Variants in XKR9 observed in about 807,000 individuals in gnomAD.
XKR9 encodes XK related 9.
A neutral mutation model predicts 32.0 loss-of-function variants in XKR9; 32 were observed. The observed-to-expected ratio is 1.00, with a 90% confidence interval of 0.76 to 1.34. XKR9 has a LOEUF of 1.34. XKR9 is among the 40% of genes most tolerant of loss of function. The probability of loss-of-function intolerance (pLI) is 0.00; values close to 1 mark genes in which losing one functional copy is unlikely to be tolerated. For synonymous variants in XKR9, 168 were observed against 143.4 expected (o/e 1.17, Z -1.22); for missense variants, 546 against 429.7 (o/e 1.27, Z -2.39).
At chr8:70,873,686 A>G in the XKR9 span, among the ~76,000 whole-genome samples, 1 of 152,202 alleles carries the variant, frequency 6.6e-6, no homozygotes. Flanking sequence ...TGGTTTCTTG[A>G]GATGAATCTA....
chr8:70,796,385 C>T, the XKR9 span, among the ~76,000 whole-genome samples: 5 of 151,870 alleles, frequency 3.3e-5, no homozygotes, highest in Non-Finnish European at 7.4e-5. Flanking sequence ...ATTGTTTTTC[C>T]TTATAATCTT....
rs565651701 is a variant in XKR9 at position 70,761,027 on chromosome 8, C to T, written n.353-28312C>T. Among the ~76,000 whole-genome samples, 22 of 152,262 alleles carry T rather than the reference C, an allele frequency of 1.4e-4. No homozygotes were observed. The South Asian group carries it at 2.9e-3, about 20-fold the overall frequency. On this transcript the variant is annotated intron_variant and non_coding_transcript_variant, in intron 2 of 3. Coordinates refer to the XKR9 transcript ENST00000520273. ...TGGCCTCCAGCTCTATCCATGTTTC[C>T]GCAAAAGACATGATCTTATTCTTTT...
the XKR9 span, among the ~76,000 whole-genome samples, chr8:70,965,283 C>G: frequency 6.6e-6 from 1 of 152,128 alleles, no homozygotes; most frequent in Non-Finnish European, 1.5e-5. Flanking sequence ...AACCTTGCAT[C>G]CTGGGGATGA....
the XKR9 span, among the ~76,000 whole-genome samples, chr8:70,937,432 T>A: frequency 1.3e-5 from 2 of 151,968 alleles, no homozygotes; most frequent in Non-Finnish European, 2.9e-5. Flanking sequence ...AGCAGCAATC[T>A]GTAGTTTAAC....
chr8:70,795,995 G>A, the XKR9 span, among the ~76,000 whole-genome samples: 339 of 151,666 alleles, frequency 2.2e-3, 1 homozygote, highest in African/African-American at 7.8e-3. Flanking sequence ...CTTTCTTTGT[G>A]GAAAGTTTTT....
At chr8:70,947,765 TA>T in the XKR9 span, among the ~76,000 whole-genome samples, 1 of 152,238 alleles carries the variant, frequency 6.6e-6, no homozygotes, top group Non-Finnish European at 1.5e-5. Flanking sequence ...TTTGGATTTT[TA>T]AAATACGATT....
intron 2 of XKR9, among the ~76,000 whole-genome samples, chr8:70,747,014 T>C (rs1807067854): frequency 6.6e-6 from 1 of 152,176 alleles, no homozygotes; most frequent in African/African-American, 2.4e-5. Flanking sequence ...TGAGAACATG[T>C]GGTTTTCTGT....
the XKR9 span, among the ~76,000 whole-genome samples, chr8:70,824,733 A>T: frequency 6.6e-6 from 1 of 152,008 alleles, no homozygotes; most frequent in Non-Finnish European, 1.5e-5. Context: ...GAACATTGGG[A>T]AGGGCAAAAA....
At chr8:70,797,690 C>A in the XKR9 span, among the ~76,000 whole-genome samples, 3,190 of 151,962 alleles carry the variant, frequency 0.021, 98 homozygotes, top group African/African-American at 0.074. Flanking sequence ...GTAGTATTTC[C>A]ATCTTCACTC....
chr8:70,946,284 C>A, the XKR9 span, among the ~76,000 whole-genome samples: 1 of 151,934 alleles, frequency 6.6e-6, no homozygotes. Flanking sequence ...TCTTTTTGGC[C>A]AGTCTTAACT....
chr8:70,814,931 G>A, the XKR9 span, among the ~76,000 whole-genome samples: 3 of 152,322 alleles, frequency 2.0e-5, no homozygotes, highest in Middle Eastern at 3.4e-3. Flanking sequence ...AAAGTCAGTA[G>A]CATTTCCATA....
the XKR9 span, among the ~76,000 whole-genome samples, chr8:70,814,313 G>A: frequency 6.6e-6 from 1 of 151,936 alleles, no homozygotes; most frequent in Admixed American, 6.6e-5. Context: ...AAAGGGGGAG[G>A]GATAGCATTA....
chr8:70,864,186 C>T, the XKR9 span, among the ~76,000 whole-genome samples: 1 of 152,106 alleles, frequency 6.6e-6, no homozygotes. Context: ...AATCTTATAA[C>T]TTGTATAATA....
chr8:70,876,710 A>G, the XKR9 span, among the ~76,000 whole-genome samples: 1 of 152,134 alleles, frequency 6.6e-6, no homozygotes, highest in Non-Finnish European at 1.5e-5. Flanking sequence ...AGTAAAAACC[A>G]AAAGAGTAAC....
intron 2 of XKR9, among the ~76,000 whole-genome samples, chr8:70,759,554 T>C (rs1807278480): frequency 6.6e-6 from 1 of 152,200 alleles, no homozygotes; most frequent in African/African-American, 2.4e-5. Flanking sequence ...TTTTTTTTCT[T>C]TGAAGGTATG....
intron 2 of XKR9, among the ~76,000 whole-genome samples, chr8:70,771,615 C>G (rs1010549607): frequency 6.6e-6 from 1 of 152,164 alleles, no homozygotes; most frequent in Non-Finnish European, 1.5e-5. Context: ...GATCAAGTGA[C>G]TGTTTTAGTC....
At chr8:70,742,265 A>C (rs1806998210) in intron 2 of XKR9, among the ~76,000 whole-genome samples, 1 of 152,242 alleles carries the variant, frequency 6.6e-6, no homozygotes, top group Admixed American at 6.5e-5. Flanking sequence ...AAGCAGTGTG[A>C]ACCATTTACT....
the XKR9 span, among the ~76,000 whole-genome samples, chr8:70,887,407 C>CT: frequency 8.6e-5 from 13 of 150,318 alleles, no homozygotes; most frequent in Non-Finnish European, 1.3e-4. Context: ...GCTATATGGG[C>CT]TTTTTTTTTG....
chr8:70,706,539 A>C (rs553489575), intron 3 of XKR9, among the ~76,000 whole-genome samples: 2 of 152,208 alleles, frequency 1.3e-5, no homozygotes, highest in Admixed American at 6.5e-5. Flanking sequence ...TAATACTAGA[A>C]ATAATAAGAT....
Sources: gnomAD v4.1 joint callset for allele counts (sites outside exome capture counted in the v4.1 genomes callset) on GRCh38, gnomAD v4.1.1 for gene constraint, MANE v1.5 for transcripts, NCBI Gene and HGNC (gene_info 2026-07-23, HGNC 2026-07-21) for gene names.